NRG3: variants seen among roughly 807,000 people sequenced by gnomAD.
NRG3 encodes pro-neuregulin-3, membrane-bound isoform.
Under a neutral mutation model 66.9 loss-of-function variants are expected in NRG3, and 31 were observed. The observed-to-expected ratio is 0.46, with a 90% CI of 0.35 to 0.63. The LOEUF is 0.63. Among genes scored for constraint, NRG3 ranks in the 20% least tolerant of loss-of-function variants. The pLI, the probability that NRG3 is intolerant of heterozygous loss-of-function variation, is 0.00. For synonymous variants in NRG3, 393 were observed against 359.4 expected, an observed-to-expected ratio of 1.09 and a Z score of -1.06; for missense variants, 910 against 878.9, an observed-to-expected ratio of 1.04 and a Z score of -0.45.
chr10:82,945,622 C>T (rs956428316), intron 4 of NRG3, among the ~76,000 whole-genome samples: 2 of 151,988 alleles, frequency 1.3e-5, no homozygotes, highest in South Asian at 4.2e-4. Flanking sequence ...TATCAGAAGC[C>T]CACTCTTGTG....
At chr10:82,459,713 C>A (rs561986575) in intron 2 of NRG3, among the ~76,000 whole-genome samples, 3 of 152,274 alleles carry the variant, frequency 2.0e-5, no homozygotes, top group Admixed American at 2.0e-4. Context: ...GTAATATTCA[C>A]CTAAAAATAA....
At chr10:82,769,235 G>C (rs2059625652) in intron 3 of NRG3, among the ~76,000 whole-genome samples, 1 of 152,030 alleles carries the variant, frequency 6.6e-6, no homozygotes, top group Admixed American at 6.6e-5. Context: ...TAATTCTCAT[G>C]TGACTTCTAT....
intron 2 of NRG3, among the ~76,000 whole-genome samples, chr10:82,397,743 A>G (rs1225830828): frequency 6.6e-6 from 1 of 152,134 alleles, no homozygotes; most frequent in Non-Finnish European, 1.5e-5. Flanking sequence ...CTAAACCAAT[A>G]TTTTTCTTTT....
At chr10:82,205,451 A>G (rs1175014080) in intron 1 of NRG3, among the ~76,000 whole-genome samples, 1 of 152,214 alleles carries the variant, frequency 6.6e-6, no homozygotes, top group African/African-American at 2.4e-5. Context: ...GTCCACGAAT[A>G]TAGAAGCAAG....
At chr10:82,891,713 A>G (rs1173218836) in intron 4 of NRG3, among the ~76,000 whole-genome samples, 1 of 152,052 alleles carries the variant, frequency 6.6e-6, no homozygotes, top group Non-Finnish European at 1.5e-5. Context: ...AAATCATGTC[A>G]TCTGAACATT....
intron 1 of NRG3, among the ~76,000 whole-genome samples, chr10:82,248,318 T>G (rs2077338617): frequency 6.6e-6 from 1 of 152,196 alleles, no homozygotes; most frequent in Non-Finnish European, 1.5e-5. Flanking sequence ...CTCCTCTGTC[T>G]ACTCCCTCTG....
At chr10:82,133,523 G>T (rs1242705045) in intron 1 of NRG3, among the ~76,000 whole-genome samples, 1 of 152,116 alleles carries the variant, frequency 6.6e-6, no homozygotes, top group Non-Finnish European at 1.5e-5. Flanking sequence ...TTGGTATTCT[G>T]CTTCTGCATT....
intron 2 of NRG3, among the ~76,000 whole-genome samples, chr10:82,461,502 T>C (rs1300039215): frequency 3.9e-5 from 6 of 152,224 alleles, no homozygotes; most frequent in Non-Finnish European, 7.3e-5. Context: ...TCATTGCACA[T>C]GTCACACCCA....
intron 4 of NRG3, among the ~76,000 whole-genome samples, chr10:82,900,769 C>T (rs971648792): frequency 5.3e-5 from 8 of 152,098 alleles, no homozygotes; most frequent in Admixed American, 5.2e-4. Flanking sequence ...AATGGTAGAG[C>T]TGAAAATGTA....
chr10:82,959,292 C>T (rs1306826862), intron 6 of NRG3, among the ~76,000 whole-genome samples: 1 of 152,192 alleles, frequency 6.6e-6, no homozygotes, highest in African/African-American at 2.4e-5. Flanking sequence ...TGATTACAAT[C>T]TGTAATATAA....
At chr10:82,599,848 A>G (rs992170976) in intron 2 of NRG3, among the ~76,000 whole-genome samples, 1 of 152,060 alleles carries the variant, frequency 6.6e-6, no homozygotes, top group Admixed American at 6.6e-5. Flanking sequence ...ATAAAGTGAA[A>G]CAAAACAAAA....
intron 1 of NRG3, among the ~76,000 whole-genome samples, chr10:82,240,764 G>T (rs1324962737): frequency 1.3e-5 from 2 of 152,156 alleles, no homozygotes; most frequent in Non-Finnish European, 2.9e-5. Context: ...ATACAAGTGT[G>T]TTTAGAGAGG....
At chr10:82,396,316 T>G (rs2086711686) in intron 2 of NRG3, among the ~76,000 whole-genome samples, 1 of 152,224 alleles carries the variant, frequency 6.6e-6, no homozygotes, top group Non-Finnish European at 1.5e-5. Context: ...AGCTGCATAA[T>G]GGAAGCTCCC....
At chr10:82,311,988 A>T (rs982857756) in intron 1 of NRG3, among the ~76,000 whole-genome samples, 1 of 152,180 alleles carries the variant, frequency 6.6e-6, no homozygotes, top group South Asian at 2.1e-4. Context: ...CCAACTCGGG[A>T]CAATAAGACA....
chr10:82,761,926 TTC>T (rs778563259), intron 3 of NRG3, among the ~76,000 whole-genome samples: 6 of 73,550 alleles, frequency 8.2e-5, no homozygotes, highest in Admixed American at 3.1e-4. Flanking sequence ...TTCTTTCTCT[TTC>T]TTTCTTTCTT....
chr10:81,984,791 A>G (rs906575668), intron 1 of NRG3, among the ~76,000 whole-genome samples: 1 of 152,222 alleles, frequency 6.6e-6, no homozygotes, highest in Admixed American at 6.5e-5. Context: ...AGCCTGTTTT[A>G]TTACTATACA....
At position 82,702,967 on chromosome 10, in the gene NRG3, A is replaced by ATTT. The variant is rs5786564; in HGVS notation, c.954-35604_954-35602dup. On this transcript the variant is annotated intron_variant, in intron 2 of 8. Transcript: ENST00000372141. ...ATGTTCAGACTCCACTGTTTCTGCC[A>ATTT]TTTTTTTTGTTGTTATTTTATCTAT... Among the ~76,000 whole-genome samples the ATTT allele has an allele frequency of 5.1e-3, 770 of 151,000 alleles. 5 individuals carry two copies. Among genetic ancestry groups the ATTT allele is most frequent in the African/African-American group, 0.018 (732 of 40,876 alleles).
At chr10:82,815,073 C>T (rs531863710) in intron 3 of NRG3, among the ~76,000 whole-genome samples, 3 of 152,282 alleles carry the variant, frequency 2.0e-5, no homozygotes, top group African/African-American at 7.2e-5. Context: ...CGGTCATCGC[C>T]GTCCTCCTGG....
At position 82,187,774 on chromosome 10, in the gene NRG3, A is replaced by G. The variant is rs534008864; in HGVS notation, c.824-170965A>G. 2.4e-4 allele frequency among the ~76,000 whole-genome samples: 37 copies of G among 152,314 alleles called. No homozygotes were observed. The South Asian group carries it at 5.4e-3, about 22-fold the overall frequency. The stretch of plus-strand genomic sequence containing the variant: ...GTATATATTGAAAGGATCGTATTCT[A>G]TAATTGACTATGTTTTACTTAGATG... On this transcript the variant is annotated intron_variant, in intron 1 of 8. Coordinates refer to ENST00000372141, the MANE Select transcript of NRG3 (RefSeq NM_001010848.4).
Sources: allele counts gnomAD v4.1 joint callset (sites outside exome capture counted in the v4.1 genomes callset), GRCh38; gene constraint gnomAD v4.1.1; transcripts MANE v1.5; gene names NCBI Gene and HGNC (gene_info 2026-07-23, HGNC 2026-07-21).